The following NAV2 variants were observed in gnomAD, a reference collection of about 807,000 sequenced individuals.
NAV2 encodes neuron navigator 2.
Under a neutral mutation model 223.2 loss-of-function variants are expected in NAV2, and 54 were observed. The observed-to-expected ratio is 0.24, with a 90% CI of 0.19 to 0.30. NAV2 has a LOEUF of 0.30. Ranked by LOEUF, NAV2 falls within the 10% of genes least tolerant of loss-of-function variation. The pLI is 1.00. For missense variants in NAV2, 2,806 were observed against 3,147.5 expected, an observed-to-expected ratio of 0.89 and a Z score of 2.60; for synonymous variants, 1,279 against 1,239.3, an observed-to-expected ratio of 1.03 and a Z score of -0.67.
At chr11:19,889,408 C>T (rs1449593477) in intron 5 of NAV2, among the ~76,000 whole-genome samples, 2 of 152,296 alleles carry the variant, frequency 1.3e-5, no homozygotes, top group South Asian at 2.1e-4. Context: ...AGTACATGAT[C>T]TCCATCCAGT....
intron 10 of NAV2, among the ~76,000 whole-genome samples, chr11:19,979,692 A>G (rs1408829915): frequency 6.6e-6 from 1 of 152,242 alleles, no homozygotes; most frequent in African/African-American, 2.4e-5. Context: ...GAGCTTCACC[A>G]GAGCAGGAAC....
chr11:19,636,750 G>C (rs981890731), intron 1 of NAV2, among the ~76,000 whole-genome samples: 2 of 152,172 alleles, frequency 1.3e-5, no homozygotes, highest in African/African-American at 2.4e-5. Context: ...GATTATAGGC[G>C]TGAGCCACCG....
Position 20,045,482 on chromosome 11 carries a change from A to G in NAV2, c.3714A>G (p.Leu1238=), listed in dbSNP as rs144134588. 1.2e-5 allele frequency: 19 copies of G among 1,614,034 alleles called. No homozygotes were observed. Among genetic ancestry groups the G allele is most frequent in the Middle Eastern group, 1.6e-4 (1 of 6,084 alleles). The stretch of plus-strand genomic sequence containing the variant: ...TGAGGGAGCCTTCCAAAACAGCCCT[A>G]GGCAGCTCTCTACCAGGTCTGGTCA... ...PKLREPSKTA[L]GSSLPGLVNQ... Residue 1238 remains leucine (L), a synonymous_variant, in exon 14 of 38, where the codon CTA becomes CTG. Transcript: ENST00000349880.
intron 1 of NAV2, among the ~76,000 whole-genome samples, chr11:19,755,351 T>C (rs2054151696): frequency 6.6e-6 from 1 of 152,230 alleles, no homozygotes; most frequent in South Asian, 2.1e-4. Flanking sequence ...GTGTAAGAGC[T>C]ACATCCCATG....
intron 1 of NAV2, among the ~76,000 whole-genome samples, chr11:19,608,195 T>C (rs2046532569): frequency 6.6e-6 from 1 of 152,184 alleles, no homozygotes; most frequent in Non-Finnish European, 1.5e-5. Flanking sequence ...AGCTCTGTTG[T>C]TCAAATAAAC....
chr11:19,624,641 G>C (rs930364398), intron 1 of NAV2, among the ~76,000 whole-genome samples: 1 of 152,168 alleles, frequency 6.6e-6, no homozygotes, highest in African/African-American at 2.4e-5. Flanking sequence ...CAATTTTCCT[G>C]GTGCCATCTG....
chr11:19,428,955 C>A (rs1262631692), intron 1 of NAV2, among the ~76,000 whole-genome samples: 2 of 152,212 alleles, frequency 1.3e-5, no homozygotes, highest in African/African-American at 4.8e-5. Context: ...CGCCTTCCTG[C>A]TAGCTCCACT....
At chr11:19,954,232 A>G (rs1053141191) in intron 10 of NAV2, among the ~76,000 whole-genome samples, 1 of 152,334 alleles carries the variant, frequency 6.6e-6, no homozygotes, top group East Asian at 1.9e-4. Context: ...AGGCTGATCA[A>G]TAGCCTAGTG....
chr11:19,382,040 G>T (rs573517296), intron 1 of NAV2, among the ~76,000 whole-genome samples: 1 of 152,270 alleles, frequency 6.6e-6, no homozygotes, highest in African/African-American at 2.4e-5. Flanking sequence ...CCCCCAGGTG[G>T]GAATGCTGCT....
intron 1 of NAV2, among the ~76,000 whole-genome samples, chr11:19,537,308 A>T (rs1049998434): frequency 1.6e-4 from 25 of 152,330 alleles, no homozygotes; most frequent in Middle Eastern, 3.4e-3. Flanking sequence ...CCATGAATAA[A>T]CTGCCCAGTG....
intron 1 of NAV2, among the ~76,000 whole-genome samples, chr11:19,474,408 G>A (rs1564966153): frequency 2.0e-5 from 3 of 152,244 alleles, no homozygotes; most frequent in Admixed American, 1.3e-4. Context: ...AGGAAAGTGT[G>A]AAAGATGTGT....
intron 1 of NAV2, among the ~76,000 whole-genome samples, chr11:19,379,615 C>T (rs999075367): frequency 6.6e-6 from 1 of 152,178 alleles, no homozygotes; most frequent in African/African-American, 2.4e-5. Context: ...GGCTTGGCCA[C>T]ATCCGCTGCC....
intron 11 of NAV2, among the ~76,000 whole-genome samples, chr11:20,029,097 G>A (rs997949632): frequency 6.6e-6 from 1 of 152,212 alleles, no homozygotes; most frequent in African/African-American, 2.4e-5. Context: ...TTTACTGAAC[G>A]AGGGGAGACC....
chr11:19,537,881 A>G (rs975860521), intron 1 of NAV2, among the ~76,000 whole-genome samples: 1 of 152,226 alleles, frequency 6.6e-6, no homozygotes, highest in Non-Finnish European at 1.5e-5. Flanking sequence ...CCTGCCTCAT[A>G]GGATATCATG....
intron 1 of NAV2, among the ~76,000 whole-genome samples, chr11:19,458,247 C>T (rs934971772): frequency 2.6e-5 from 4 of 152,246 alleles, no homozygotes; most frequent in Non-Finnish European, 4.4e-5. Flanking sequence ...GACAGCCACA[C>T]TGTAGCAGGG....
chr11:19,907,727 T>C (rs952208277), intron 6 of NAV2, among the ~76,000 whole-genome samples: 2 of 152,238 alleles, frequency 1.3e-5, no homozygotes, highest in African/African-American at 4.8e-5. Flanking sequence ...ATTGATTATT[T>C]TTCCACAGTG....
intron 1 of NAV2, among the ~76,000 whole-genome samples, chr11:19,598,836 C>T (rs919539917): frequency 6.6e-6 from 1 of 152,132 alleles, no homozygotes; most frequent in South Asian, 2.1e-4. Context: ...AAATATCCCC[C>T]GTGATTTTTC....
chr11:20,057,052 G>C (rs529289864), intron 19 of NAV2, among the ~76,000 whole-genome samples: 20 of 152,234 alleles, frequency 1.3e-4, no homozygotes, highest in African/African-American at 3.9e-4. Flanking sequence ...AGCAAACGGA[G>C]CCTAGTCTGA....
At chr11:19,708,078 C>CA (rs1565184052), upstream of NAV2, among the ~76,000 whole-genome samples, 1 of 152,152 alleles carries the variant, frequency 6.6e-6, no homozygotes, top group African/African-American at 2.4e-5. Context: ...AAAAAAGCCC[C>CA]AGAGGTTACC....
Sources: gnomAD v4.1 joint callset for allele counts (sites outside exome capture counted in the v4.1 genomes callset) on GRCh38, gnomAD v4.1.1 for gene constraint, MANE v1.5 for transcripts, NCBI Gene and HGNC (gene_info 2026-07-23, HGNC 2026-07-21) for gene names.